CNTN5: variants seen among roughly 807,000 people sequenced by gnomAD.
CNTN5 encodes contactin 5.
A neutral mutation model predicts 129.1 loss-of-function variants in CNTN5; 77 were observed. The observed-to-expected ratio is 0.60, with a 90% CI of 0.50 to 0.72. The LOEUF is 0.72. Ranked by LOEUF, CNTN5 falls within the 30% of genes least tolerant of loss-of-function variation. The pLI is 0.00. For synonymous variants in CNTN5, 509 were observed against 465.6 expected (o/e 1.09, Z -1.20); for missense variants, 1,478 against 1,328.8 (o/e 1.11, Z -1.75).
intron 1 of CNTN5, among the ~76,000 whole-genome samples, chr11:99,129,637 G>T (rs1858830313): frequency 1.3e-5 from 2 of 152,018 alleles, no homozygotes; most frequent in Admixed American, 1.3e-4. Context: ...TCCACGAGAA[G>T]ATCTACTGCA....
intron 9 of CNTN5, among the ~76,000 whole-genome samples, chr11:100,055,031 A>T (rs1339538951): frequency 2.6e-4 from 18 of 67,950 alleles, no homozygotes; most frequent in African/African-American, 1.0e-3. Flanking sequence ...CGTAGCCTAA[A>T]AAAAAAAAAA....
chr11:99,129,020 G>C (rs1225471942), intron 1 of CNTN5, among the ~76,000 whole-genome samples: 1 of 152,172 alleles, frequency 6.6e-6, no homozygotes, highest in Non-Finnish European at 1.5e-5. Context: ...AAGCAAAAAT[G>C]CTGAAAATTT....
chr11:99,747,087 C>A (rs531032082), intron 3 of CNTN5, among the ~76,000 whole-genome samples: 1 of 152,200 alleles, frequency 6.6e-6, no homozygotes, highest in East Asian at 1.9e-4. Flanking sequence ...GTGCCTTTTT[C>A]AATTTCTTTC....
intron 2 of CNTN5, among the ~76,000 whole-genome samples, chr11:99,510,942 A>G (rs1450322264): frequency 6.6e-6 from 1 of 152,138 alleles, no homozygotes; most frequent in African/African-American, 2.4e-5. Context: ...CGTGCATCTT[A>G]TTACCACTAA....
intron 1 of CNTN5, among the ~76,000 whole-genome samples, chr11:99,309,919 A>G (rs1212221001): frequency 6.6e-6 from 1 of 152,188 alleles, no homozygotes; most frequent in Non-Finnish European, 1.5e-5. Flanking sequence ...GTATAAAATG[A>G]TGGAAAATAA....
At chr11:99,749,783 T>C (rs576337862) in intron 3 of CNTN5, among the ~76,000 whole-genome samples, 1 of 152,196 alleles carries the variant, frequency 6.6e-6, no homozygotes, top group East Asian at 1.9e-4. Context: ...ATTTTAGTTA[T>C]ATATTATTTT....
intron 13 of CNTN5, among the ~76,000 whole-genome samples, chr11:100,076,686 T>G (rs1033711850): frequency 2.6e-5 from 4 of 152,046 alleles, no homozygotes; most frequent in Non-Finnish European, 5.9e-5. Context: ...TTTTTTTAAT[T>G]TATTCAAGTA....
chr11:100,306,043 G>T (rs1403142237), intron 20 of CNTN5, among the ~76,000 whole-genome samples: 1 of 151,268 alleles, frequency 6.6e-6, no homozygotes, highest in Non-Finnish European at 1.5e-5. Context: ...CTGGGCCAAG[G>T]CTGGACACAC....
chr11:99,471,131 TA>T (rs1945155008), intron 2 of CNTN5, among the ~76,000 whole-genome samples: 1 of 142,592 alleles, frequency 7.0e-6, no homozygotes, highest in Admixed American at 7.2e-5. Context: ...GTACATTTTA[TA>T]TTTAAAGTAA....
chr11:99,372,334 C>CAA (rs920479458), intron 2 of CNTN5, among the ~76,000 whole-genome samples: 3 of 151,298 alleles, frequency 2.0e-5, no homozygotes, highest in Non-Finnish European at 4.4e-5. Flanking sequence ...CGTAAAGAAA[C>CAA]AAAAAAAAGT....
intron 1 of CNTN5, among the ~76,000 whole-genome samples, chr11:99,284,662 GT>G: frequency 1.5e-5 from 2 of 131,824 alleles, no homozygotes; most frequent in African/African-American, 5.8e-5. Context: ...TGTGTGTGTG[GT>G]GTGTGTATGA....
intron 15 of CNTN5, among the ~76,000 whole-genome samples, chr11:100,215,684 A>C (rs771306029): frequency 6.6e-6 from 1 of 152,148 alleles, no homozygotes; most frequent in Non-Finnish European, 1.5e-5. Context: ...AAGTATCAGC[A>C]AGCAGAAATG....
chr11:99,254,107 A>G (rs1349843515), intron 1 of CNTN5, among the ~76,000 whole-genome samples: 1 of 151,826 alleles, frequency 6.6e-6, no homozygotes, highest in Non-Finnish European at 1.5e-5. Flanking sequence ...AATAATGGTT[A>G]CCAATGGTAA....
In CNTN5 at chr11:100,196,134, G is replaced by T. The variant is rs143980988; in HGVS notation, c.1884+2471G>T. ...ACTTATCCCAGCAGAGTAAAAAAAT[G>T]AAAATGGGATTCCGGGACTTAAGCA... On this transcript the variant is annotated intron_variant, in intron 15 of 24. Transcript: ENST00000524871. 1.3e-3 allele frequency among the ~76,000 whole-genome samples: 202 copies of T among 151,974 alleles called. 1 individual carries two copies. The highest frequency in any genetic ancestry group is 4.1e-3 in the African/African-American group (171 of 41,506).
chr11:99,343,630 A>G (rs765052196), intron 2 of CNTN5, among the ~76,000 whole-genome samples: 1 of 152,170 alleles, frequency 6.6e-6, no homozygotes, highest in Non-Finnish European at 1.5e-5. Context: ...ACCTTCTAAT[A>G]TGTATCTATC....
At chr11:99,265,140 A>T (rs936200105) in intron 1 of CNTN5, among the ~76,000 whole-genome samples, 1 of 152,026 alleles carries the variant, frequency 6.6e-6, no homozygotes, top group Non-Finnish European at 1.5e-5. Context: ...TTAAAAAAAA[A>T]TAGTAACTTG....
intron 1 of CNTN5, among the ~76,000 whole-genome samples, chr11:99,203,488 C>T (rs1859320004): frequency 6.8e-6 from 1 of 147,076 alleles, no homozygotes; most frequent in South Asian, 2.1e-4. Flanking sequence ...AATTTACCAT[C>T]TGAAAAACAC....
At chr11:99,097,399 A>G (rs899235610) in intron 1 of CNTN5, among the ~76,000 whole-genome samples, 4 of 151,928 alleles carry the variant, frequency 2.6e-5, no homozygotes, top group Non-Finnish European at 4.4e-5. Context: ...AATTTTCTCT[A>G]GGGCAGAATA....
rs978026466 is a variant in CNTN5 at position 99,920,854 on chromosome 11, A to C, written c.673+4705A>C. ...TTGGCAGTTAGGATTTCAACATACT[A>C]CTTTTGAGGGGATATAAACATTCAG... On this transcript the variant is annotated intron_variant, in intron 7 of 24. Transcript: ENST00000524871. 2.6e-5 allele frequency among the ~76,000 whole-genome samples: 4 copies of C among 152,160 alleles called. No individual in the cohort carries two copies. The South Asian group carries it at 6.2e-4, about 24-fold the overall frequency.
Sources: gnomAD v4.1 joint callset for allele counts (sites outside exome capture counted in the v4.1 genomes callset) on GRCh38, gnomAD v4.1.1 for gene constraint, MANE v1.5 for transcripts, NCBI Gene and HGNC (gene_info 2026-07-23, HGNC 2026-07-21) for gene names.